The following CDK6 variants were observed in gnomAD, a reference collection of about 807,000 sequenced individuals.
CDK6 encodes cyclin dependent kinase 6.
In CDK6, 6 loss-of-function variants were observed where a neutral mutation model predicts 37.1. The observed-to-expected ratio is 0.16, with a 90% CI of 0.09 to 0.32. CDK6 has a LOEUF of 0.32. Among genes scored for constraint, CDK6 ranks in the 10% least tolerant of loss-of-function variants. CDK6 has a pLI of 1.00. For synonymous variants in CDK6, 160 were observed against 161.3 expected (o/e 0.99, Z 0.06); for missense variants, 224 against 418.9 (o/e 0.53, Z 4.06).
chr7:92,800,152 G>C (rs776137406), intron 2 of CDK6, among the ~76,000 whole-genome samples: 9 of 151,982 alleles, frequency 5.9e-5, no homozygotes, highest in Non-Finnish European at 1.2e-4. Context: ...CCCTAATTTA[G>C]GCCACCATTA....
At position 92,611,008 on chromosome 7, in the gene CDK6, C is replaced by T. The variant is rs1795550570; in HGVS notation, c.*4132G>A. 1 of 227,414 alleles carries T rather than the reference C, an allele frequency of 4.4e-6. No individual in the cohort carries two copies. Among genetic ancestry groups the T allele is most frequent in the Admixed American group, 5.7e-5 (1 of 17,588 alleles). The allele number at this position is 227,414 out of a possible 1,614,324, so 14.1% of individuals were successfully genotyped here. A position where few individuals can be genotyped will look rare whatever the true frequency, so the allele number is the denominator to read the frequency against. On this transcript the variant is annotated 3_prime_UTR_variant, in exon 8 of 8. Transcript: ENST00000424848. ...CTTCTCCATAACATTTGTTTTCGAC[C>T]ATATTAATCCCACAGTTACCAGATG...
chr7:92,691,052 T>C (rs894074237), intron 4 of CDK6, among the ~76,000 whole-genome samples: 2 of 152,216 alleles, frequency 1.3e-5, no homozygotes, highest in African/African-American at 4.8e-5. Flanking sequence ...ACGATAAAAG[T>C]AGAGTGCAGA....
intron 2 of CDK6, among the ~76,000 whole-genome samples, chr7:92,801,901 G>T (rs1029811202): frequency 6.6e-6 from 1 of 151,688 alleles, no homozygotes; most frequent in East Asian, 1.9e-4. Flanking sequence ...GAGATTACAG[G>T]TGTGAGCTGC....
chr7:92,651,179 G>A (rs182077203), intron 5 of CDK6, among the ~76,000 whole-genome samples: 8 of 152,220 alleles, frequency 5.3e-5, no homozygotes, highest in African/African-American at 1.7e-4. Flanking sequence ...CGTAAGCCAC[G>A]GTGCGAGGCT....
intron 3 of CDK6, among the ~76,000 whole-genome samples, chr7:92,772,747 A>G (rs1396056373): frequency 2.6e-5 from 4 of 151,588 alleles, no homozygotes; most frequent in Non-Finnish European, 2.9e-5. Flanking sequence ...CCCCATTCCA[A>G]TTCATTTCTA....
intron 4 of CDK6, among the ~76,000 whole-genome samples, chr7:92,702,794 A>G (rs1322049811): frequency 6.6e-6 from 1 of 152,168 alleles, no homozygotes; most frequent in Non-Finnish European, 1.5e-5. Context: ...GAATTCCTGG[A>G]GGCCATTTCT....
At chr7:92,643,677 G>GCT (rs1796371219) in intron 5 of CDK6, among the ~76,000 whole-genome samples, 2 of 152,148 alleles carry the variant, frequency 1.3e-5, no homozygotes, top group South Asian at 4.1e-4. Context: ...CTTCAAGGGA[G>GCT]CTTTATGACT....
At chr7:92,618,439 T>A (rs939151040) in intron 6 of CDK6, among the ~76,000 whole-genome samples, 1 of 152,108 alleles carries the variant, frequency 6.6e-6, no homozygotes, top group Non-Finnish European at 1.5e-5. Context: ...TGGGAGGAGA[T>A]AAGAGATTGC....
rs1445295092 is a variant in CDK6, at chr7:92,612,735, T to G, written c.*2405A>C. ...TCTACTCATTTAAAATTCTAAAGAA[T>G]GCTGAAAAATTCCAGTTCAGAACAG... On this transcript the variant is annotated 3_prime_UTR_variant, in exon 8 of 8. Coordinates refer to ENST00000424848, the MANE Select transcript of CDK6 (RefSeq NM_001145306.2). 4.3e-6 allele frequency: 1 copy of G among 233,066 alleles called. No homozygotes were observed. Among genetic ancestry groups the G allele is most frequent in the Non-Finnish European group, 8.5e-6 (1 of 117,992 alleles). The allele number at this position is 233,066 out of a possible 1,614,324, so 14.4% of individuals were successfully genotyped here.
intron 4 of CDK6, among the ~76,000 whole-genome samples, chr7:92,706,559 T>A (rs1274883688): frequency 6.6e-6 from 1 of 152,248 alleles, no homozygotes; most frequent in Non-Finnish European, 1.5e-5. Context: ...GAATTTGTCC[T>A]GTGGGTGGTA....
chr7:92,618,016 T>C (rs1795718673), intron 7 of CDK6, 56 bp downstream of exon 7: 1 of 1,586,446 alleles, frequency 6.3e-7, no homozygotes, highest in African/African-American at 1.3e-5. Context: ...CCAGTCTGGG[T>C]AGAGCAGGTG....
chr7:92,628,419 A>T (rs1324865256), intron 5 of CDK6, among the ~76,000 whole-genome samples: 2 of 152,052 alleles, frequency 1.3e-5, no homozygotes, highest in Non-Finnish European at 1.5e-5. Flanking sequence ...ATTTCTACAC[A>T]CAAACTGGAA....
intron 3 of CDK6, among the ~76,000 whole-genome samples, chr7:92,771,070 C>T (rs1025529716): frequency 1.3e-5 from 2 of 151,914 alleles, no homozygotes; most frequent in Non-Finnish European, 1.5e-5. Context: ...AACCCAGTCT[C>T]TACTAAAAAT....
intron 2 of CDK6, among the ~76,000 whole-genome samples, chr7:92,799,780 G>C (rs1161421075): frequency 6.6e-6 from 1 of 152,136 alleles, no homozygotes. Context: ...GCTCAAAAAA[G>C]ATTTCTATAC....
intron 4 of CDK6, among the ~76,000 whole-genome samples, chr7:92,689,622 T>C (rs923419392): frequency 3.3e-5 from 5 of 152,214 alleles, no homozygotes; most frequent in Non-Finnish European, 7.3e-5. Flanking sequence ...TATAATAGAA[T>C]GATTTATATT....
intron 3 of CDK6, among the ~76,000 whole-genome samples, chr7:92,731,902 G>A (rs1056298327): frequency 7.9e-5 from 12 of 152,060 alleles, no homozygotes; most frequent in Admixed American, 5.2e-4. Flanking sequence ...AAATCATCAG[G>A]AACTGAAACT....
At chr7:92,692,346 AT>A (rs1479689218) in intron 4 of CDK6, among the ~76,000 whole-genome samples, 1 of 152,210 alleles carries the variant, frequency 6.6e-6, no homozygotes, top group Non-Finnish European at 1.5e-5. Flanking sequence ...ACAGGAAGGA[AT>A]TTCAATAGTC....
intron 5 of CDK6, among the ~76,000 whole-genome samples, chr7:92,643,755 C>A (rs1408160716): frequency 3.3e-5 from 5 of 152,186 alleles, no homozygotes; most frequent in African/African-American, 1.2e-4. Context: ...GTTTCCTTCA[C>A]CCTGTTCAAA....
At chr7:92,658,400 A>G (rs1796756037) in intron 5 of CDK6, among the ~76,000 whole-genome samples, 2 of 152,254 alleles carry the variant, frequency 1.3e-5, no homozygotes, top group Admixed American at 1.3e-4. Flanking sequence ...TATGAAATAA[A>G]TGAACTGACA....
Sources: allele counts gnomAD v4.1 joint callset (sites outside exome capture counted in the v4.1 genomes callset), GRCh38; gene constraint gnomAD v4.1.1; transcripts MANE v1.5; gene names NCBI Gene and HGNC (gene_info 2026-07-23, HGNC 2026-07-21).